Variants in HNRNPM observed in about 807,000 individuals in gnomAD.
HNRNPM encodes CEA receptor.
HNRNPM carries 11 observed loss-of-function variants against 73.1 expected under a neutral mutation model. That is an observed-to-expected ratio of 0.15 (90% confidence interval 0.09 to 0.25). HNRNPM has a LOEUF of 0.25. Ranked by LOEUF, HNRNPM falls within the 10% of genes least tolerant of loss-of-function variation. HNRNPM has a pLI of 1.00. For synonymous variants in HNRNPM, 407 were observed against 355.2 expected (o/e 1.15, Z -1.64); for missense variants, 789 against 1,067.9 (o/e 0.74, Z 3.64).
intron 12 of HNRNPM, among the ~76,000 whole-genome samples, chr19:8,474,846 C>G (rs1970393853): frequency 6.6e-6 from 1 of 151,852 alleles, no homozygotes; most frequent in South Asian, 2.1e-4. Flanking sequence ...TCCTGAGTAG[C>G]TGGTATTACA....
At chr19:8,479,772 A>AAAT (rs1491516635) in intron 12 of HNRNPM, among the ~76,000 whole-genome samples, 18 of 41,638 alleles carry the variant, frequency 4.3e-4, no homozygotes, top group East Asian at 2.0e-3. Flanking sequence ...AAAAAAAAAA[A>AAAT]TTTTTTTTTT....
At chr19:8,445,525 A>G (rs996619261) in intron 1 of HNRNPM, 1 of 157,852 alleles carries the variant, frequency 6.3e-6, no homozygotes, top group African/African-American at 2.4e-5. Flanking sequence ...CTGATCCGTA[A>G]CGTGGGGGGA....
chr19:8,462,683 T>TA lies in HNRNPM; in HGVS notation c.336+102_336+103insA. On this transcript the variant is annotated intron_variant, in intron 3 of 15. Transcript: ENST00000325495. The surrounding 1 kb of genome is among the most constrained non-coding windows in gnomAD (Gnocchi z 4.5). ...AAATCAGGAAGGCAGTGAGTGCTCA[T>TA]GTTACAGTAGCTATGTTTGATTTTG... 1 of 968,628 alleles carries TA rather than the reference T, an allele frequency of 1.0e-6. No homozygotes were observed. 60.0% of individuals were successfully genotyped at this position (968,628 alleles called of 1,614,324 possible).
intron 1 of HNRNPM, 68 bp downstream of exon 1, chr19:8,445,179 C>A: frequency 7.8e-7 from 1 of 1,285,130 alleles, no homozygotes; most frequent in Non-Finnish European, 1.0e-6. Flanking sequence ...GCGGCGGCTC[C>A]GTTAGGTCTG....
At position 8,485,785 on chromosome 19, in the gene HNRNPM, G is replaced by A. The variant is rs561303438; in HGVS notation, c.1357G>A (p.Gly453Ser). 8.7e-6 allele frequency: 14 copies of A among 1,603,892 alleles called. No individual in the cohort carries two copies. The highest frequency in any genetic ancestry group is 1.7e-4 in the Middle Eastern group (1 of 6,046). ...RMGSVERMGS[G>S]IERMGPLGLD... is the part of the protein sequence containing the mutation. ...GGGCTCCGTGGAGCGCATGGGCTCC[G>A]GCATTGAGCGCATGGGCCCGCTGGG... The change falls in exon 14 of 16, where the codon GGC becomes AGC. Residue 453 changes from glycine to serine, a missense_variant. Physicochemically the swap from Gly to Ser is moderately conservative, Grantham distance 56. Coordinates refer to ENST00000325495, the MANE Select transcript of HNRNPM (RefSeq NM_005968.5).
chr19:8,459,078 AC>A (rs1338205903), intron 2 of HNRNPM, among the ~76,000 whole-genome samples: 2 of 152,068 alleles, frequency 1.3e-5, no homozygotes, highest in Admixed American at 6.5e-5. Context: ...GGCACCCACC[AC>A]CACGCCGAGT....
intron 12 of HNRNPM, among the ~76,000 whole-genome samples, chr19:8,474,813 C>G (rs1264975905): frequency 6.6e-6 from 1 of 151,034 alleles, no homozygotes; most frequent in African/African-American, 2.4e-5. Flanking sequence ...CTCCCAGGTT[C>G]AAGTGATTCT....
At chr19:8,486,536 TTTTA>T (rs1225242844) in intron 14 of HNRNPM, 131 bp downstream of exon 14, 1 of 741,454 alleles carries the variant, frequency 1.3e-6, no homozygotes, top group Non-Finnish European at 2.2e-6. Context: ...GTCCCAAACG[TTTTA>T]TGCTAGTGGG....
chr19:8,470,927 G>A (rs913811615), intron 9 of HNRNPM, among the ~76,000 whole-genome samples: 7 of 152,148 alleles, frequency 4.6e-5, no homozygotes, highest in African/African-American at 1.7e-4. Flanking sequence ...GGTTTGTAAC[G>A]TGTTTTTTCA....
rs1206546993 is a variant in HNRNPM, at chr19:8,466,596, G to A, written c.784+208G>A. Among the ~76,000 whole-genome samples the A allele has an allele frequency of 2.0e-5, 3 of 152,110 alleles. No individual in the cohort carries two copies. In the East Asian group the frequency reaches 5.8e-4, roughly 29 times the overall value. The stretch of plus-strand genomic sequence containing the variant: ...TAATCCCAGCACTTCGGGAGGCCAA[G>A]GCGGGCGGATCACTTGAGGTCAGTT... On this transcript the variant is annotated intron_variant, in intron 7 of 15. Coordinates refer to ENST00000325495, the MANE Select transcript of HNRNPM (RefSeq NM_005968.5).
At position 8,466,504 on chromosome 19, in the gene HNRNPM, G is replaced by T. The variant is rs928531754; in HGVS notation, c.784+116G>T. On this transcript the variant is annotated intron_variant, in intron 7 of 15. Transcript: ENST00000325495. ...TGTATTCATGTTTTTTATGTGACTA[G>T]GGGGAGTGCATTACTGTGGAATTAA... 28 of 1,025,150 alleles carry T rather than the reference G, an allele frequency of 2.7e-5. No homozygotes were observed. In the African/African-American group the frequency reaches 3.9e-4, roughly 14 times the overall value. The allele number at this position is 1,025,150 out of a possible 1,614,324, so 63.5% of individuals were successfully genotyped here. A position where few individuals can be genotyped will look rare whatever the true frequency, so the allele number is the denominator to read the frequency against.
intron 13 of HNRNPM, among the ~76,000 whole-genome samples, chr19:8,484,204 TCTCA>T (rs2145751151): frequency 7.1e-6 from 1 of 139,888 alleles, no homozygotes; most frequent in East Asian, 2.1e-4. Flanking sequence ...AGAGACGGAG[TCTCA>T]CTCTGTCGCC....
intron 2 of HNRNPM, among the ~76,000 whole-genome samples, chr19:8,460,898 G>A (rs1220911256): frequency 6.6e-6 from 1 of 152,200 alleles, no homozygotes; most frequent in Non-Finnish European, 1.5e-5. Context: ...TTGAATGGCT[G>A]CTGCTCTTGA....
intron 1 of HNRNPM, among the ~76,000 whole-genome samples, chr19:8,452,397 T>C (rs1440848971): frequency 6.6e-6 from 1 of 152,008 alleles, no homozygotes; most frequent in East Asian, 1.9e-4. Context: ...TAGATTCTGT[T>C]ATGTTTTATG....
chr19:8,445,861 T>A lies in HNRNPM; in HGVS notation c.113+750T>A, dbSNP rs542830682. Among the ~76,000 whole-genome samples the A allele has an allele frequency of 2.3e-4, 35 of 152,340 alleles. No homozygotes were observed. The South Asian group carries it at 7.0e-3, about 31-fold the overall frequency. On this transcript the variant is annotated intron_variant, in intron 1 of 15. Transcript: ENST00000325495. Reference sequence around the variant, plus strand: ...GACAGATACGAAGTCGGGGGAGGAATCCCCTTTTTCCCGTGTTTCGGGGAA... The same window carrying A: ...GACAGATACGAAGTCGGGGGAGGAAACCCCTTTTTCCCGTGTTTCGGGGAA...
chr19:8,455,019 G>T (rs11670577), intron 1 of HNRNPM, among the ~76,000 whole-genome samples: 1 of 152,040 alleles, frequency 6.6e-6, no homozygotes, highest in African/African-American at 2.4e-5. Flanking sequence ...TGTCACCCTA[G>T]GCTGGAGTGC....
intron 13 of HNRNPM, among the ~76,000 whole-genome samples, chr19:8,484,173 CTTTT>C (rs33931165): frequency 5.4e-5 from 6 of 110,162 alleles, no homozygotes; most frequent in Non-Finnish European, 3.8e-5. Flanking sequence ...CCTCCCATTT[CTTTT>C]TTTTTTTTTT....
At position 8,475,196 on chromosome 19, in the gene HNRNPM, C is replaced by T. The variant is rs547231749; in HGVS notation, c.1120+952C>T. Among the ~76,000 whole-genome samples the T allele has an allele frequency of 3.3e-5, 5 of 152,342 alleles. 1 individual carries two copies. In the South Asian group the frequency reaches 1.0e-3, roughly 32 times the overall value. ...AAACAGTGGTGCCTGCATGTGAACC[C>T]AGGCTGTCTGGCTCCAGAGCCTGGC... On this transcript the variant is annotated intron_variant, in intron 12 of 15. Coordinates refer to ENST00000325495, the MANE Select transcript of HNRNPM (RefSeq NM_005968.5).
chr19:8,489,032 G>A lies in HNRNPM; in HGVS notation c.*178G>A, dbSNP rs887335667. On this transcript the variant is annotated 3_prime_UTR_variant, in exon 16 of 16. Coordinates refer to ENST00000325495, the MANE Select transcript of HNRNPM (RefSeq NM_005968.5). The stretch of plus-strand genomic sequence containing the variant: ...CCATTTGACTGTTTGCATTGAGATT[G>A]CAATGTGCGCAATTTTTTTTGTAGT... 1.8e-6 allele frequency: 1 copy of A among 560,700 alleles called. No homozygotes were observed. Among genetic ancestry groups the A allele is most frequent in the Non-Finnish European group, 3.1e-6 (1 of 321,998 alleles). The allele number at this position is 560,700 out of a possible 1,614,324, so 34.7% of individuals were successfully genotyped here.
Sources: gnomAD v4.1 joint callset for allele counts (sites outside exome capture counted in the v4.1 genomes callset) on GRCh38, gnomAD v4.1.1 for gene constraint, Gnocchi (gnomAD v3.1) non-coding constraint, MANE v1.5 for transcripts, NCBI Gene and HGNC (gene_info 2026-07-23, HGNC 2026-07-21) for gene names.